Variants in CCDC146 observed in about 807,000 individuals in gnomAD.
CCDC146 encodes the protein coiled-coil domain containing 146.
In CCDC146, 92 loss-of-function variants were observed where a neutral mutation model predicts 119.3. The ratio of observed to expected loss-of-function variants is 0.77; its 90% CI spans 0.65 to 0.92. The LOEUF (loss-of-function observed/expected upper bound fraction) is 0.92. CCDC146 is among the 40% of genes least tolerant of loss of function. The probability of loss-of-function intolerance (pLI) is 0.00; values close to 1 mark genes in which losing one functional copy is unlikely to be tolerated. For missense variants in CCDC146, 1,000 were observed against 1,103.0 expected, an observed-to-expected ratio of 0.91 and a Z score of 1.32; for synonymous variants, 372 against 371.8, an observed-to-expected ratio of 1.00 and a Z score of -0.01.
intron 3 of CCDC146, among the ~76,000 whole-genome samples, chr7:77,238,621 GT>G (rs1792784435): frequency 1.3e-5 from 2 of 152,136 alleles, no homozygotes; most frequent in Admixed American, 1.3e-4. Context: ...GTTTCACTGG[GT>G]TAGCCAGGAT....
At chr7:77,123,777 A>G (rs1461275140) in intron 1 of CCDC146, among the ~76,000 whole-genome samples, 1 of 152,150 alleles carries the variant, frequency 6.6e-6, no homozygotes, top group Non-Finnish European at 1.5e-5. Flanking sequence ...TAAAATTTTT[A>G]AAAATTCAGT....
At chr7:77,266,030 T>A (rs1025881692) in intron 9 of CCDC146, among the ~76,000 whole-genome samples, 2 of 152,226 alleles carry the variant, frequency 1.3e-5, no homozygotes, top group African/African-American at 4.8e-5. Flanking sequence ...GGTATACCTC[T>A]GCATTTAAAC....
intron 1 of CCDC146, among the ~76,000 whole-genome samples, chr7:77,140,218 AATAAT>A (rs1251697738): frequency 1.3e-5 from 2 of 152,044 alleles, no homozygotes. Context: ...TCTAAGAACT[AATAAT>A]AGCATTTGGA....
intron 1 of CCDC146, among the ~76,000 whole-genome samples, chr7:77,126,623 G>GT (rs919758832): frequency 6.6e-6 from 1 of 152,076 alleles, no homozygotes; most frequent in Non-Finnish European, 1.5e-5. Context: ...CCTGGAGAGG[G>GT]TGCCTCCTGT....
chr7:77,143,925 T>G (rs997604268), intron 1 of CCDC146, among the ~76,000 whole-genome samples: 1 of 151,854 alleles, frequency 6.6e-6, no homozygotes, highest in African/African-American at 2.4e-5. Flanking sequence ...ACATGAACTT[T>G]AAAGTAGTTT....
chr7:77,216,891 T>G (rs1004878549), intron 2 of CCDC146, among the ~76,000 whole-genome samples: 3 of 152,212 alleles, frequency 2.0e-5, no homozygotes, highest in African/African-American at 7.2e-5. Context: ...ACTGAATGTT[T>G]CCTGTTTTGC....
chr7:77,212,354 G>A (rs942959893), intron 2 of CCDC146, among the ~76,000 whole-genome samples: 3 of 152,104 alleles, frequency 2.0e-5, no homozygotes, highest in African/African-American at 4.8e-5. Context: ...GGGCATGGTG[G>A]CTCATGCCTG....
intron 11 of CCDC146, among the ~76,000 whole-genome samples, chr7:77,277,068 T>C (rs932737063): frequency 6.6e-6 from 1 of 151,390 alleles, no homozygotes; most frequent in Non-Finnish European, 1.5e-5. Flanking sequence ...CGAGACTCTG[T>C]CTCAAAAACG....
At chr7:77,209,779 C>T (rs1200374747) in intron 2 of CCDC146, among the ~76,000 whole-genome samples, 1 of 152,232 alleles carries the variant, frequency 6.6e-6, no homozygotes, top group African/African-American at 2.4e-5. Context: ...ACAGGCTCAA[C>T]ACCACATGGA....
In CCDC146 at chr7:77,188,273, TCCTC is replaced by T. The variant is rs1219633515; in HGVS notation, c.156+20450_156+20453del. ...CCTGGTGTGATTATTATGCATTGTATCCTCTATCAAAATATCTCATGTAGCGCAT... is the reference window on the plus strand; with the variant it reads ...CCTGGTGTGATTATTATGCATTGTATTATCAAAATATCTCATGTAGCGCAT... On this transcript the variant is annotated intron_variant, in intron 2 of 18. Transcript: ENST00000285871. Among the ~76,000 whole-genome samples the T allele has an allele frequency of 1.2e-4, 19 of 152,276 alleles. No homozygotes were observed. The South Asian group carries it at 3.5e-3, about 28-fold the overall frequency.
intron 2 of CCDC146, among the ~76,000 whole-genome samples, chr7:77,230,829 T>C (rs1005280766): frequency 2.6e-5 from 4 of 152,206 alleles, no homozygotes; most frequent in African/African-American, 9.6e-5. Context: ...CTCCCATTAC[T>C]TGTAATTTAG....
chr7:77,132,570 AAG>A (rs1554345353), intron 1 of CCDC146, among the ~76,000 whole-genome samples: 10 of 146,406 alleles, frequency 6.8e-5, no homozygotes, highest in African/African-American at 2.6e-4. Context: ...AAAAAAAAAA[AAG>A]AAAGAAAGAA....
chr7:77,241,260 T>C (rs1464002999), intron 3 of CCDC146, among the ~76,000 whole-genome samples: 1 of 85,900 alleles, frequency 1.2e-5, no homozygotes, highest in Non-Finnish European at 3.3e-5. Context: ...GGTTTCACTG[T>C]GTTAGCCAGA....
intron 15 of CCDC146, among the ~76,000 whole-genome samples, chr7:77,284,582 T>G (rs1419479164): frequency 6.6e-6 from 1 of 152,030 alleles, no homozygotes; most frequent in Admixed American, 6.6e-5. Context: ...ATAAGCATAT[T>G]CTTTGTGTTC....
intron 2 of CCDC146, among the ~76,000 whole-genome samples, chr7:77,191,810 T>G (rs1791770753): frequency 6.6e-6 from 1 of 152,028 alleles, no homozygotes; most frequent in South Asian, 2.1e-4. Context: ...CTTGGGAGGC[T>G]GAGGCAGGAG....
chr7:77,186,136 G>GCC lies in CCDC146; in HGVS notation c.156+18313_156+18314insCC, dbSNP rs376000036. ...TACCATATGACCAAGCAATCCCACT[G>GCC]CTGGGTATATACCCGAAAGAAAGGA... On this transcript the variant is annotated intron_variant, in intron 2 of 18. Transcript: ENST00000285871. Among the ~76,000 whole-genome samples the GCC allele has an allele frequency of 5.1e-3, 775 of 152,282 alleles. 6 individuals carry two copies. Among genetic ancestry groups the GCC allele is most frequent in the African/African-American group, 0.017 (722 of 41,572 alleles).
chr7:77,171,066 C>T (rs547364045), intron 2 of CCDC146, among the ~76,000 whole-genome samples: 1 of 152,292 alleles, frequency 6.6e-6, no homozygotes, highest in Admixed American at 6.5e-5. Context: ...AAAATTTCTA[C>T]TTCTCCACCA....
intron 1 of CCDC146, among the ~76,000 whole-genome samples, chr7:77,146,055 G>T (rs978074283): frequency 1.8e-4 from 28 of 151,782 alleles, no homozygotes; most frequent in Admixed American, 3.3e-4. Context: ...GGGAGTCTAG[G>T]TCTCTTTGTA....
Position 77,160,244 on chromosome 7 carries a change from C to T in CCDC146, c.-11-7414C>T, listed in dbSNP as rs936352800. 3.0e-4 allele frequency among the ~76,000 whole-genome samples: 46 copies of T among 152,168 alleles called. 1 individual carries two copies. The highest frequency in any genetic ancestry group is 7.5e-4 in the African/African-American group (31 of 41,502). Reference sequence around the variant, plus strand: ...TTCTTTGGGCTTAGGATTGACTTGGCGATGTGGGCTCTTTTTTGGTTCCAT... The same window carrying T: ...TTCTTTGGGCTTAGGATTGACTTGGTGATGTGGGCTCTTTTTTGGTTCCAT... On this transcript the variant is annotated intron_variant, in intron 1 of 18. Transcript: ENST00000285871.
Sources: gnomAD v4.1 joint callset for allele counts (sites outside exome capture counted in the v4.1 genomes callset) on GRCh38, gnomAD v4.1.1 for gene constraint, MANE v1.5 for transcripts, NCBI Gene and HGNC (gene_info 2026-07-23, HGNC 2026-07-21) for gene names.